NEIL3: variants seen among roughly 807,000 people sequenced by gnomAD.
NEIL3 encodes endonuclease 8-like 3.
NEIL3 carries 48 observed loss-of-function variants against 57.5 expected under a neutral mutation model. The observed-to-expected ratio is 0.83, with a 90% CI of 0.66 to 1.06. The LOEUF is 1.06. Among genes scored for constraint, NEIL3 ranks in the 50% least tolerant of loss-of-function variants. NEIL3 has a pLI of 0.00. For missense variants in NEIL3, 717 were observed against 739.1 expected, an observed-to-expected ratio of 0.97 and a Z score of 0.35; for synonymous variants, 261 against 253.2, an observed-to-expected ratio of 1.03 and a Z score of -0.29.
At chr4:177,363,374 GA>G (rs2110948363), downstream of NEIL3, among the ~76,000 whole-genome samples, 1 of 152,264 alleles carries the variant, frequency 6.6e-6, no homozygotes, top group East Asian at 1.9e-4. Flanking sequence ...TTACTGGCAA[GA>G]ACAAAACATG....
intron 4 of NEIL3, among the ~76,000 whole-genome samples, chr4:177,339,580 T>A (rs886909633): frequency 1.7e-4 from 26 of 152,342 alleles, no homozygotes; most frequent in Non-Finnish European, 3.2e-4. Context: ...GAGGAGGGGT[T>A]GGTCTTGCTG....
At chr4:177,360,409 G>T in intron 8 of NEIL3, 94 bp from the exon 9 acceptor site, 1 of 803,406 alleles carries the variant, frequency 1.2e-6, no homozygotes, top group Non-Finnish European at 1.9e-6. Context: ...AGAATTTCTT[G>T]GTACAAGTGA....
At chr4:177,326,146 T>A (rs1414521032) in intron 2 of NEIL3, among the ~76,000 whole-genome samples, 1 of 152,174 alleles carries the variant, frequency 6.6e-6, no homozygotes, top group Non-Finnish European at 1.5e-5. Flanking sequence ...CAACATTTCC[T>A]TGTTTGTTTT....
chr4:177,356,200 A>G (rs1048946164), intron 8 of NEIL3, among the ~76,000 whole-genome samples: 2 of 152,182 alleles, frequency 1.3e-5, no homozygotes, highest in Admixed American at 6.5e-5. Flanking sequence ...TTATTTCCTT[A>G]ATGCTTTGTA....
the NEIL3 span, among the ~76,000 whole-genome samples, chr4:177,371,254 C>T: frequency 6.6e-6 from 1 of 152,202 alleles, no homozygotes; most frequent in Non-Finnish European, 1.5e-5. Context: ...TTAATAAATA[C>T]TTGCCTGCTT....
chr4:177,316,020 T>C (rs1224035285), intron 1 of NEIL3, among the ~76,000 whole-genome samples: 1 of 152,216 alleles, frequency 6.6e-6, no homozygotes, highest in Non-Finnish European at 1.5e-5. Context: ...CCATGCATAG[T>C]ATCGAACCCT....
Position 177,336,300 on chromosome 4 carries a change from T to A in NEIL3, c.606T>A (p.Ser202Arg). 1 of 1,613,888 alleles carries A rather than the reference T, an allele frequency of 6.2e-7. No homozygotes were observed. The highest frequency in any genetic ancestry group is 1.1e-5 in the South Asian group (1 of 91,006). ...NIIKNEALFD[S>R]GLHPAVKVCQ... ...TCAAAAATGAAGCTCTCTTTGACAG[T>A]GGTCTCCACCCAGCTGTTAAAGTAA... is the stretch of plus-strand genomic sequence containing the variant. Residue 202 changes from serine to arginine, a missense_variant, in exon 4 of 10, where the codon AGT becomes AGA. By Grantham distance (110) the Ser-to-Arg change is moderately radical. Transcript: ENST00000264596.
intron 1 of NEIL3, among the ~76,000 whole-genome samples, chr4:177,320,501 G>A (rs1227550465): frequency 2.3e-5 from 3 of 130,460 alleles, no homozygotes; most frequent in Non-Finnish European, 4.7e-5. Context: ...TTTTTGAAAC[G>A]GAGTCTCGCT....
chr4:177,330,772 T>C (rs1389591930), intron 2 of NEIL3, among the ~76,000 whole-genome samples: 5 of 152,192 alleles, frequency 3.3e-5, no homozygotes, highest in African/African-American at 1.2e-4. Flanking sequence ...TTTCAACATA[T>C]AAACAATATA....
At chr4:177,349,794 T>G (rs895595352) in intron 6 of NEIL3, among the ~76,000 whole-genome samples, 33 of 152,286 alleles carry the variant, frequency 2.2e-4, no homozygotes, top group African/African-American at 7.2e-4. Flanking sequence ...AGCCTCCATA[T>G]GTAACAATAA....
chr4:177,365,518 A>G (rs936540300), downstream of NEIL3, among the ~76,000 whole-genome samples: 2 of 152,158 alleles, frequency 1.3e-5, no homozygotes, highest in Non-Finnish European at 2.9e-5. Flanking sequence ...CACTACAACC[A>G]CCATCAGTCC....
intron 2 of NEIL3, among the ~76,000 whole-genome samples, chr4:177,323,935 G>T (rs1734733926): frequency 6.6e-6 from 1 of 152,174 alleles, no homozygotes; most frequent in Non-Finnish European, 1.5e-5. Context: ...TCCCTGGAGA[G>T]TACCTATGTC....
At position 177,322,372 on chromosome 4, in the gene NEIL3, A is replaced by T. The variant is rs1422349924; in HGVS notation, c.157-87A>T. On this transcript the variant is annotated intron_variant, in intron 1 of 9. Transcript: ENST00000264596. ...TTGGAATGCACCTGGGCGTGAAGTAATATAAACACATTTAAGAATTAAATA... is the reference window on the plus strand; with the variant it reads ...TTGGAATGCACCTGGGCGTGAAGTATTATAAACACATTTAAGAATTAAATA... The T allele has an allele frequency of 8.3e-6, 13 of 1,559,414 alleles. No homozygotes were observed. The East Asian group carries it at 2.9e-4, about 35-fold the overall frequency.
At chr4:177,352,379 A>G (rs1040543149) in intron 7 of NEIL3, among the ~76,000 whole-genome samples, 1 of 152,238 alleles carries the variant, frequency 6.6e-6, no homozygotes, top group Non-Finnish European at 1.5e-5. Flanking sequence ...AGGTTGCCAC[A>G]TTGATTTCAA....
At chr4:177,345,679 C>CTTTT (rs55741585) in intron 6 of NEIL3, among the ~76,000 whole-genome samples, 73 of 78,076 alleles carry the variant, frequency 9.3e-4, no homozygotes, top group Admixed American at 1.4e-3. Context: ...CCACGCCTGG[C>CTTTT]TTTTTTTTTT....
chr4:177,370,690 C>T, the NEIL3 span, among the ~76,000 whole-genome samples: 1 of 152,126 alleles, frequency 6.6e-6, no homozygotes, highest in African/African-American at 2.4e-5. Flanking sequence ...CACTTGAGGT[C>T]AGGAGTTTGA....
intron 8 of NEIL3, among the ~76,000 whole-genome samples, chr4:177,355,693 G>A (rs188674703): frequency 2.6e-4 from 40 of 152,176 alleles, no homozygotes; most frequent in African/African-American, 9.4e-4. Context: ...TTCTCTCAGC[G>A]GTGGGGTGAG....
At chr4:177,339,567 G>A (rs1260050731) in intron 4 of NEIL3, among the ~76,000 whole-genome samples, 1 of 152,202 alleles carries the variant, frequency 6.6e-6, no homozygotes, top group Admixed American at 6.5e-5. Context: ...GATTGAGGAG[G>A]AAGAGGAGGG....
At chr4:177,345,914 C>G (rs1735212455) in intron 6 of NEIL3, among the ~76,000 whole-genome samples, 1 of 151,688 alleles carries the variant, frequency 6.6e-6, no homozygotes, top group Admixed American at 6.6e-5. Context: ...TGGTCTGGAA[C>G]TCCTTACCTC....
Sources: allele counts gnomAD v4.1 joint callset (sites outside exome capture counted in the v4.1 genomes callset), GRCh38; gene constraint gnomAD v4.1.1; transcripts MANE v1.5; gene names NCBI Gene and HGNC (gene_info 2026-07-23, HGNC 2026-07-21).